Variants in ZNF704 observed in about 807,000 individuals in gnomAD.
ZNF704 encodes glucocorticoid induced gene 1.
A neutral mutation model predicts 44.7 loss-of-function variants in ZNF704; 10 were observed. The ratio of observed to expected loss-of-function variants is 0.22; its 90% CI spans 0.14 to 0.38. The LOEUF (loss-of-function observed/expected upper bound fraction) is 0.38. ZNF704 is among the 10% of genes least tolerant of loss of function. ZNF704 has a pLI of 1.00. For missense variants in ZNF704, 390 were observed against 545.5 expected, an observed-to-expected ratio of 0.71 and a Z score of 2.84; for synonymous variants, 211 against 207.6, an observed-to-expected ratio of 1.02 and a Z score of -0.14.
intron 2 of ZNF704, among the ~76,000 whole-genome samples, chr8:80,761,389 C>T (rs991858000): frequency 3.3e-5 from 5 of 152,136 alleles, no homozygotes; most frequent in African/African-American, 4.8e-5. Flanking sequence ...TCTCAAATAA[C>T]TGGCACTAAA....
intron 1 of ZNF704, among the ~76,000 whole-genome samples, chr8:80,853,343 G>A (rs1013295250): frequency 1.3e-5 from 2 of 152,192 alleles, no homozygotes; most frequent in African/African-American, 2.4e-5. Flanking sequence ...ACTCCAGCCT[G>A]GGCTACAGAG....
intron 2 of ZNF704, among the ~76,000 whole-genome samples, chr8:80,764,867 A>AAGGAATG (rs1332449608): frequency 6.6e-6 from 1 of 152,226 alleles, no homozygotes; most frequent in Non-Finnish European, 1.5e-5. Context: ...ATACAGTAAG[A>AAGGAATG]AGGAATGATA....
At chr8:80,645,837 G>C (rs553988332) in intron 7 of ZNF704, among the ~76,000 whole-genome samples, 70 of 152,076 alleles carry the variant, frequency 4.6e-4, no homozygotes, top group Non-Finnish European at 9.4e-4. Context: ...TATTTTCCCA[G>C]ACATTAATTT....
intron 2 of ZNF704, among the ~76,000 whole-genome samples, chr8:80,787,564 T>C (rs1807636074): frequency 6.6e-6 from 1 of 152,172 alleles, no homozygotes; most frequent in Non-Finnish European, 1.5e-5. Flanking sequence ...GGAATTTAAA[T>C]GAAAAAAATA....
chr8:80,773,951 A>T (rs1807367249), intron 2 of ZNF704, among the ~76,000 whole-genome samples: 1 of 151,992 alleles, frequency 6.6e-6, no homozygotes, highest in Admixed American at 6.6e-5. Flanking sequence ...CATTCAGTCT[A>T]AGATCTTCTT....
chr8:80,728,184 A>G (rs1806517255), intron 2 of ZNF704, among the ~76,000 whole-genome samples: 1 of 152,198 alleles, frequency 6.6e-6, no homozygotes, highest in Non-Finnish European at 1.5e-5. Context: ...ATAACCCTAC[A>G]AAGTAGTCAT....
intron 2 of ZNF704, among the ~76,000 whole-genome samples, chr8:80,732,694 G>A (rs111689025): frequency 1.1e-4 from 16 of 152,284 alleles, no homozygotes; most frequent in African/African-American, 3.6e-4. Flanking sequence ...AGTGGCTCAC[G>A]CCTGTAATCC....
intron 1 of ZNF704, among the ~76,000 whole-genome samples, chr8:80,827,126 A>G (rs1478622989): frequency 2.0e-5 from 3 of 152,200 alleles, no homozygotes; most frequent in Non-Finnish European, 4.4e-5. Context: ...GAAAAGAGGA[A>G]GCCAAATTGT....
In ZNF704 at chr8:80,850,004, C is replaced by T. The variant is rs550522355; in HGVS notation, c.-22+24567G>A. ...TTTGTTATGCTTTCTATCAGTTTTT[C>T]TAAAATATTTTATTGTATTCATATG... On this transcript the variant is annotated intron_variant, in intron 1 of 8. Transcript: ENST00000327835. 3.6e-3 allele frequency among the ~76,000 whole-genome samples: 552 copies of T among 152,158 alleles called. 2 individuals carry two copies. Among genetic ancestry groups the T allele is most frequent in the African/African-American group, 0.013 (535 of 41,524 alleles).
intron 1 of ZNF704, among the ~76,000 whole-genome samples, chr8:80,847,028 C>G (rs1020819503): frequency 6.6e-6 from 1 of 152,016 alleles, no homozygotes; most frequent in African/African-American, 2.4e-5. Flanking sequence ...CAAAAATTAG[C>G]CAGGTGTGGT....
Position 80,795,315 on chromosome 8 carries a change from A to G in ZNF704, c.221+26059T>C, listed in dbSNP as rs1031735577. On this transcript the variant is annotated intron_variant, in intron 2 of 8. Transcript: ENST00000327835. ...AATGGCACTGTAACTTGTAATTTTGAGATATTAAATGTGAAACATAAAACA... is the reference window on the plus strand; with the variant it reads ...AATGGCACTGTAACTTGTAATTTTGGGATATTAAATGTGAAACATAAAACA... Among the ~76,000 whole-genome samples, 3 of 152,210 alleles carry G rather than the reference A, an allele frequency of 2.0e-5. No individual in the cohort carries two copies. In the East Asian group the frequency reaches 5.8e-4, roughly 29 times the overall value.
chr8:80,671,347 C>T (rs1313251349), intron 4 of ZNF704, among the ~76,000 whole-genome samples: 1 of 152,090 alleles, frequency 6.6e-6, no homozygotes, highest in East Asian at 1.9e-4. Context: ...CAGGCTGCGG[C>T]AATATTTTCT....
chr8:80,646,089 C>T (rs777832811), intron 7 of ZNF704, among the ~76,000 whole-genome samples: 5 of 152,156 alleles, frequency 3.3e-5, no homozygotes, highest in Admixed American at 6.5e-5. Flanking sequence ...TGGACTTCCC[C>T]GCCTCCAGGT....
rs1809320657 is a variant in ZNF704 at position 80,874,256 on chromosome 8, G to T, written c.-22+315C>A. Among the ~76,000 whole-genome samples the T allele has an allele frequency of 6.9e-6, 1 of 144,918 alleles. No individual in the cohort carries two copies. Among genetic ancestry groups the T allele is most frequent in the South Asian group, 2.1e-4 (1 of 4,764 alleles). On this transcript the variant is annotated intron_variant, in intron 1 of 8. Coordinates refer to ENST00000327835, the MANE Select transcript of ZNF704 (RefSeq NM_001033723.3). This position sits in a 1 kb window ranked among gnomAD's most constrained non-coding sequence, Gnocchi z 4.4. ...CCGGCGGGGACGCCGGCGGCCGGCG[G>T]CTACGGCGGGGCGGCGCGGCGGCCG...
Position 80,651,652 on chromosome 8 carries a change from G to A in ZNF704, c.1032+7933C>T, listed in dbSNP as rs1021427924. Among the ~76,000 whole-genome samples, 4 of 151,778 alleles carry A rather than the reference G, an allele frequency of 2.6e-5. No homozygotes were observed. The East Asian group carries it at 7.7e-4, about 29-fold the overall frequency. ...TATATATGCACCCAATACAGGAGCAGCCAGATTCATAAAGCAAGTCCTTAG... is the reference window on the plus strand; with the variant it reads ...TATATATGCACCCAATACAGGAGCAACCAGATTCATAAAGCAAGTCCTTAG... On this transcript the variant is annotated intron_variant, in intron 7 of 8. Coordinates refer to ENST00000327835, the MANE Select transcript of ZNF704 (RefSeq NM_001033723.3).
intron 2 of ZNF704, among the ~76,000 whole-genome samples, chr8:80,723,625 T>C (rs1174073731): frequency 6.6e-6 from 1 of 152,234 alleles, no homozygotes; most frequent in Non-Finnish European, 1.5e-5. Context: ...TAGATTCCAC[T>C]GGATAACCTT....
intron 2 of ZNF704, among the ~76,000 whole-genome samples, chr8:80,753,202 T>C (rs1806977439): frequency 6.6e-6 from 1 of 152,194 alleles, no homozygotes; most frequent in Admixed American, 6.5e-5. Flanking sequence ...CTGCACGTCT[T>C]GGCTGGAGAT....
rs61460948 is a variant in ZNF704, at chr8:80,738,279, C to G, written c.222-45172G>C. On this transcript the variant is annotated intron_variant, in intron 2 of 8. Coordinates refer to ENST00000327835, the MANE Select transcript of ZNF704 (RefSeq NM_001033723.3). ...TGTCTTCCTTGGAAGCCAGTCACTA[C>G]GTCTAGCCCATACTTAAGGTTCAGG... 2.6e-3 allele frequency among the ~76,000 whole-genome samples: 398 copies of G among 152,260 alleles called. 2 individuals carry two copies. The highest frequency in any genetic ancestry group is 4.0e-3 in the Non-Finnish European group (273 of 68,002).
At chr8:80,818,685 G>A (rs1484113474) in intron 2 of ZNF704, among the ~76,000 whole-genome samples, 1 of 152,098 alleles carries the variant, frequency 6.6e-6, no homozygotes, top group African/African-American at 2.4e-5. Context: ...CAGAACCCAT[G>A]GATACACAGG....
Sources: gnomAD v4.1 joint callset for allele counts (sites outside exome capture counted in the v4.1 genomes callset) on GRCh38, gnomAD v4.1.1 for gene constraint, Gnocchi (gnomAD v3.1) non-coding constraint, MANE v1.5 for transcripts, NCBI Gene and HGNC (gene_info 2026-07-23, HGNC 2026-07-21) for gene names.